CNTNAP3: variants seen among roughly 807,000 people sequenced by gnomAD.
CNTNAP3 encodes the protein contactin associated protein family member 3.
CNTNAP3 carries 36 observed loss-of-function variants against 92.1 expected under a neutral mutation model. That is an observed-to-expected ratio of 0.39 (90% CI 0.30 to 0.52). CNTNAP3 has a LOEUF of 0.52. Ranked by LOEUF, CNTNAP3 falls within the 20% of genes least tolerant of loss-of-function variation. The pLI, the probability that CNTNAP3 is intolerant of heterozygous loss-of-function variation, is 0.76. For missense variants in CNTNAP3, 534 were observed against 1,069.6 expected (o/e 0.50, Z 6.98); for synonymous variants, 232 against 422.3 (o/e 0.55, Z 5.53).
At chr9:39,075,820 C>T (rs1489074696) in intron 23 of CNTNAP3, among the ~76,000 whole-genome samples, 2 of 152,310 alleles carry the variant, frequency 1.3e-5, no homozygotes, top group East Asian at 3.8e-4. Context: ...GTTTCTCCCA[C>T]GTGCTGTGGG....
Position 39,073,164 on chromosome 9 carries a change from C to A in CNTNAP3, c.*726G>T. 6.4e-6 allele frequency: 1 copy of A among 155,342 alleles called. No homozygotes were observed. The highest frequency in any genetic ancestry group is 1.4e-5 in the Non-Finnish European group (1 of 69,672). The allele number at this position is 155,342 out of a possible 1,614,324, so 9.6% of individuals were successfully genotyped here. On this transcript the variant is annotated 3_prime_UTR_variant, in exon 24 of 24. Coordinates refer to ENST00000297668, the MANE Select transcript of CNTNAP3 (RefSeq NM_033655.5). ...ATACTAAAATTTCATAGCTAACATT[C>A]AATATTAATTTCAACATTAAAATGT...
At chr9:39,116,592 TCTGTTC>T (rs1368110955) in intron 14 of CNTNAP3, among the ~76,000 whole-genome samples, 1 of 152,216 alleles carries the variant, frequency 6.6e-6, no homozygotes, top group Non-Finnish European at 1.5e-5. Flanking sequence ...ATGGATCAGA[TCTGTTC>T]CTGTTACTCA....
At chr9:39,094,020 CTTG>C (rs760144541) in intron 18 of CNTNAP3, among the ~76,000 whole-genome samples, 4 of 147,152 alleles carry the variant, frequency 2.7e-5, no homozygotes, top group Admixed American at 1.3e-4. Context: ...CTTGCCAAAA[CTTG>C]TTATTTTCTG....
At chr9:39,092,347 T>C (rs1233435548) in intron 18 of CNTNAP3, among the ~76,000 whole-genome samples, 1 of 141,030 alleles carries the variant, frequency 7.1e-6, no homozygotes, top group African/African-American at 2.6e-5. Context: ...GGTTTTTTAT[T>C]TGGGAACCAT....
At chr9:39,152,790 G>A (rs1335524341) in intron 9 of CNTNAP3, among the ~76,000 whole-genome samples, 1 of 131,292 alleles carries the variant, frequency 7.6e-6, no homozygotes, top group Non-Finnish European at 1.6e-5. Context: ...CGAGTGGCTG[G>A]GACTACAGGC....
rs1825521738 is a variant in CNTNAP3, at chr9:39,066,996, G to A, written c.*6894C>T. Among the ~76,000 whole-genome samples, 2 of 152,238 alleles carry A rather than the reference G, an allele frequency of 1.3e-5. No individual in the cohort carries two copies. Among genetic ancestry groups the A allele is most frequent in the South Asian group, 2.1e-4 (1 of 4,830 alleles). ...AGAACTCCAAATACACACAGATTAG[G>A]CAACTGAAGTTGTCCCACAGATCAC... On this transcript the variant is annotated 3_prime_UTR_variant, in exon 24 of 24. Transcript: ENST00000297668.
chr9:39,087,501 G>T (rs10814794), intron 19 of CNTNAP3, among the ~76,000 whole-genome samples: 34,858 of 149,074 alleles, frequency 0.23, 4,230 homozygotes, highest in East Asian at 0.39. Flanking sequence ...TTGTTTGTTT[G>T]TTTGAGGTGG....
chr9:39,096,448 T>C (rs966082568), intron 18 of CNTNAP3, among the ~76,000 whole-genome samples: 151 of 152,168 alleles, frequency 9.9e-4, no homozygotes, highest in African/African-American at 3.4e-3. Context: ...TGTACGTTAT[T>C]TATGGGGTAG....
chr9:39,159,633 TAGATAGATAGATAG>T lies in CNTNAP3; in HGVS notation c.1477+6286_1477+6299del, dbSNP rs1448452661. Reference sequence around the variant, plus strand: ...AGGCGTGGGCCACCACGCCTGGAGATAGATAGATAGATAGATAGATAGATAGATAGATAGATAGA... The same window carrying T: ...AGGCGTGGGCCACCACGCCTGGAGATATAGATAGATAGATAGATAGATAGA... On this transcript the variant is annotated intron_variant, in intron 9 of 23. Coordinates refer to ENST00000297668, the MANE Select transcript of CNTNAP3 (RefSeq NM_033655.5). 556 of 117,962 alleles carry T rather than the reference TAGATAGATAGATAG, an allele frequency of 4.7e-3. 12 individuals are homozygous for T. The highest frequency in any genetic ancestry group is 0.024 in the African/African-American group (535 of 22,300). 7.3% of individuals were successfully genotyped at this position (117,962 alleles called of 1,614,324 possible). A position where few individuals can be genotyped will look rare whatever the true frequency, so the allele number is the denominator to read the frequency against.
At chr9:39,110,489 A>T (rs1826718599) in intron 14 of CNTNAP3, among the ~76,000 whole-genome samples, 1 of 152,198 alleles carries the variant, frequency 6.6e-6, no homozygotes, top group Admixed American at 6.5e-5. Flanking sequence ...CACAGAGTAA[A>T]AAATATATTT....
chr9:39,128,592 T>C (rs770056498), intron 13 of CNTNAP3, among the ~76,000 whole-genome samples: 23 of 151,988 alleles, frequency 1.5e-4, no homozygotes, highest in Non-Finnish European at 3.1e-4. Flanking sequence ...GAAACAAGAA[T>C]GAATGCTTTT....
chr9:39,118,023 C>A, intron 14 of CNTNAP3, 80 bp downstream of exon 14: 1 of 1,587,778 alleles, frequency 6.3e-7, no homozygotes, highest in Non-Finnish European at 8.6e-7. Flanking sequence ...ATTGTACCAG[C>A]TTGTCTGACA....
chr9:39,132,620 C>T (rs968414874), intron 13 of CNTNAP3, among the ~76,000 whole-genome samples: 11 of 152,060 alleles, frequency 7.2e-5, no homozygotes, highest in African/African-American at 2.7e-4. Context: ...CCCAGCCTGC[C>T]CTACAGCCAT....
chr9:39,103,382 G>C (rs1379371510), intron 16 of CNTNAP3, among the ~76,000 whole-genome samples: 1 of 152,114 alleles, frequency 6.6e-6, no homozygotes, highest in Non-Finnish European at 1.5e-5. Context: ...AGGAGTTGAA[G>C]ACCAGCCTGG....
intron 14 of CNTNAP3, among the ~76,000 whole-genome samples, chr9:39,110,799 A>G (rs1175875432): frequency 6.6e-6 from 1 of 152,166 alleles, no homozygotes; most frequent in Non-Finnish European, 1.5e-5. Flanking sequence ...GCTTATATTT[A>G]TATACTTTTG....
At chr9:39,116,480 G>C (rs2117953183) in intron 14 of CNTNAP3, among the ~76,000 whole-genome samples, 1 of 152,186 alleles carries the variant, frequency 6.6e-6, no homozygotes, top group South Asian at 2.1e-4. Context: ...TATCATACCA[G>C]ACACTTTAAA....
At chr9:39,080,944 C>T in intron 21 of CNTNAP3, among the ~76,000 whole-genome samples, 1 of 140,926 alleles carries the variant, frequency 7.1e-6, no homozygotes, top group Non-Finnish European at 1.6e-5. Context: ...GGATTACAGG[C>T]ATGAGCCACT....
At chr9:39,079,375 TTCA>T (rs1350807625) in intron 21 of CNTNAP3, among the ~76,000 whole-genome samples, 3 of 151,168 alleles carry the variant, frequency 2.0e-5, no homozygotes, top group African/African-American at 7.3e-5. Flanking sequence ...TATGATGACT[TTCA>T]TATTATCTTA....
intron 14 of CNTNAP3, among the ~76,000 whole-genome samples, chr9:39,109,758 C>T (rs1953028): frequency 2.0e-5 from 3 of 152,104 alleles, no homozygotes; most frequent in Admixed American, 6.6e-5. Context: ...AGGTTATCAA[C>T]TCCTGACCCG....
Sources: gnomAD v4.1 joint callset for allele counts (sites outside exome capture counted in the v4.1 genomes callset) on GRCh38, gnomAD v4.1.1 for gene constraint, MANE v1.5 for transcripts, NCBI Gene and HGNC (gene_info 2026-07-23, HGNC 2026-07-21) for gene names.